LHFPL3: variants seen among roughly 807,000 people sequenced by gnomAD.
The protein encoded by LHFPL3 is LHFPL tetraspan subfamily member 3.
A neutral mutation model predicts 19.3 loss-of-function variants in LHFPL3; 5 were observed. The observed-to-expected ratio is 0.26, with a 90% CI of 0.14 to 0.54. The LOEUF (loss-of-function observed/expected upper bound fraction) is 0.54, where lower values mean the gene tolerates loss of function less well. Ranked by LOEUF, LHFPL3 falls within the 20% of genes least tolerant of loss-of-function variation. The pLI, the probability that LHFPL3 is intolerant of heterozygous loss-of-function variation, is 0.94. For missense variants in LHFPL3, 249 were observed against 307.4 expected (o/e 0.81, Z 1.42); for synonymous variants, 133 against 126.2 (o/e 1.05, Z -0.36).
rs1028728702 is a variant in LHFPL3 at position 104,562,607 on chromosome 7, CT to C, written c.446-174066del. ...TTCTAAATTTTTTTCAAGTTTTCAA[CT>C]TCTTTGCCTTTGGTTTGAATGTCCT... is the stretch of plus-strand genomic sequence containing the variant. On this transcript the variant is annotated intron_variant, in intron 1 of 2. Transcript: ENST00000424859. Among the ~76,000 whole-genome samples the C allele has an allele frequency of 3.9e-5, 6 of 151,958 alleles. No homozygotes were observed. In the South Asian group the frequency reaches 1.0e-3, roughly 26 times the overall value.
intron 1 of LHFPL3, among the ~76,000 whole-genome samples, chr7:104,660,358 C>G (rs1040253490): frequency 6.6e-6 from 1 of 152,232 alleles, no homozygotes; most frequent in African/African-American, 2.4e-5. Flanking sequence ...GTCAGCACAA[C>G]CATCCAGGTT....
intron 1 of LHFPL3, among the ~76,000 whole-genome samples, chr7:104,610,122 T>C (rs1033460730): frequency 3.3e-5 from 5 of 152,236 alleles, no homozygotes; most frequent in African/African-American, 9.6e-5. Context: ...TATTTTTCTG[T>C]AACTAGCAAT....
intron 1 of LHFPL3, among the ~76,000 whole-genome samples, chr7:104,689,371 T>A (rs1262632458): frequency 6.6e-6 from 1 of 152,182 alleles, no homozygotes; most frequent in African/African-American, 2.4e-5. Flanking sequence ...TTAATCATGG[T>A]GTTCCTAGAA....
intron 1 of LHFPL3, among the ~76,000 whole-genome samples, chr7:104,716,020 A>G (rs1306281186): frequency 7.9e-5 from 12 of 152,306 alleles, no homozygotes; most frequent in Non-Finnish European, 2.9e-5. Context: ...GTAAGTCCTC[A>G]CTGGAGCAAT....
intron 2 of LHFPL3, among the ~76,000 whole-genome samples, chr7:104,820,952 T>C (rs1326830403): frequency 6.6e-6 from 1 of 152,108 alleles, no homozygotes; most frequent in African/African-American, 2.4e-5. Flanking sequence ...AGAGACACCC[T>C]CAGTGTTTCC....
At chr7:104,428,467 C>T (rs1288573155) in intron 1 of LHFPL3, among the ~76,000 whole-genome samples, 1 of 152,062 alleles carries the variant, frequency 6.6e-6, no homozygotes, top group African/African-American at 2.4e-5. Context: ...TATAAATCCT[C>T]CCTCCAATAT....
intron 1 of LHFPL3, among the ~76,000 whole-genome samples, chr7:104,615,027 T>C (rs1180796968): frequency 6.6e-6 from 1 of 152,090 alleles, no homozygotes. Context: ...AGCACTGAGA[T>C]TACAAGAGTG....
At chr7:104,621,123 C>T (rs1025663402) in intron 1 of LHFPL3, among the ~76,000 whole-genome samples, 4 of 152,198 alleles carry the variant, frequency 2.6e-5, no homozygotes, top group African/African-American at 9.7e-5. Context: ...GAACCCATCC[C>T]CAGATCTCCC....
intron 1 of LHFPL3, among the ~76,000 whole-genome samples, chr7:104,403,737 CTCT>C (rs1791362127): frequency 6.6e-6 from 1 of 151,734 alleles, no homozygotes; most frequent in Non-Finnish European, 1.5e-5. Context: ...CTCTCTCTCT[CTCT>C]CTCTCTCTCT....
chr7:104,894,358 T>C (rs1792313585), intron 2 of LHFPL3, among the ~76,000 whole-genome samples: 1 of 152,196 alleles, frequency 6.6e-6, no homozygotes, highest in South Asian at 2.1e-4. Flanking sequence ...TAGGGAACTC[T>C]TAACATCCAA....
At chr7:104,761,741 A>T (rs779580092) in intron 2 of LHFPL3, among the ~76,000 whole-genome samples, 9 of 152,218 alleles carry the variant, frequency 5.9e-5, no homozygotes, top group Non-Finnish European at 1.2e-4. Flanking sequence ...AGCCTGCCGG[A>T]ATTTTCATTT....
chr7:104,518,348 CAATT>C (rs1168242636), intron 1 of LHFPL3, among the ~76,000 whole-genome samples: 2 of 151,946 alleles, frequency 1.3e-5, no homozygotes, highest in Non-Finnish European at 2.9e-5. Flanking sequence ...ATAGAATAAT[CAATT>C]AAAAGTTTTC....
intron 2 of LHFPL3, among the ~76,000 whole-genome samples, chr7:104,766,054 C>A (rs994645025): frequency 6.6e-6 from 1 of 152,218 alleles, no homozygotes; most frequent in Non-Finnish European, 1.5e-5. Flanking sequence ...GTTTCAATAT[C>A]TTTTCTGCTA....
At chr7:104,833,381 A>G (rs1329513253) in intron 2 of LHFPL3, among the ~76,000 whole-genome samples, 5 of 4,918 alleles carry the variant, frequency 1.0e-3, no homozygotes, top group African/African-American at 3.3e-3. Context: ...TATATTATAT[A>G]TATAATAGGA....
chr7:104,740,912 T>C (rs183738295), intron 2 of LHFPL3, among the ~76,000 whole-genome samples: 1 of 152,180 alleles, frequency 6.6e-6, no homozygotes, highest in East Asian at 1.9e-4. Flanking sequence ...TTCCCAACAT[T>C]CCACCTAATG....
intron 1 of LHFPL3, among the ~76,000 whole-genome samples, chr7:104,660,973 G>T (rs566407572): frequency 7.2e-5 from 11 of 152,248 alleles, no homozygotes; most frequent in Admixed American, 5.9e-4. Context: ...TCTTAAAACT[G>T]GTGCTGCTGC....
intron 1 of LHFPL3, among the ~76,000 whole-genome samples, chr7:104,675,947 A>ATCTGT (rs1792582331): frequency 6.6e-6 from 1 of 152,226 alleles, no homozygotes; most frequent in East Asian, 1.9e-4. Flanking sequence ...AGACATCAGG[A>ATCTGT]AGCCCTCAGC....
intron 1 of LHFPL3, among the ~76,000 whole-genome samples, chr7:104,522,225 A>G (rs1056722336): frequency 2.6e-5 from 4 of 152,128 alleles, no homozygotes; most frequent in Non-Finnish European, 5.9e-5. Flanking sequence ...TGGCGAGTTC[A>G]TGTCCTTTGT....
intron 2 of LHFPL3, among the ~76,000 whole-genome samples, chr7:104,871,268 T>C (rs1304208081): frequency 1.3e-5 from 2 of 152,282 alleles, no homozygotes; most frequent in South Asian, 2.1e-4. Flanking sequence ...CTGTATGCAA[T>C]TGTAACACAA....
Sources: gnomAD v4.1 joint callset for allele counts (sites outside exome capture counted in the v4.1 genomes callset) on GRCh38, gnomAD v4.1.1 for gene constraint, MANE v1.5 for transcripts, NCBI Gene and HGNC (gene_info 2026-07-23, HGNC 2026-07-21) for gene names.